Variants in TET2 observed in about 807,000 individuals in gnomAD.
TET2 encodes the protein tet methylcytosine dioxygenase 2, also known as methylcytosine dioxygenase TET2.
A neutral mutation model predicts 142.9 loss-of-function variants in TET2; 299 were observed. The ratio of observed to expected loss-of-function variants is 2.09; its 90% CI spans 1.90 to 2.30. TET2 has a LOEUF of 2.30. Ranked by LOEUF, TET2 falls within the 30% of genes most tolerant of loss-of-function variation. The pLI is 0.00. For missense variants in TET2, 2,418 were observed against 2,378.0 expected, an observed-to-expected ratio of 1.02 and a Z score of -0.35; for synonymous variants, 819 against 849.0, an observed-to-expected ratio of 0.96 and a Z score of 0.61.
chr4:105,202,943 G>A (rs1265263601), intron 2 of TET2, among the ~76,000 whole-genome samples: 1 of 152,186 alleles, frequency 6.6e-6, no homozygotes, highest in African/African-American at 2.4e-5. Context: ...CAGAGTATGA[G>A]TAATAAGGTA....
At chr4:105,237,770 G>T in intron 3 of TET2, 1 of 1,144,102 alleles carries the variant, frequency 8.7e-7, no homozygotes, top group Admixed American at 4.5e-5. Context: ...TTTAATTCAA[G>T]GTAAAATATA....
At position 105,236,047 on chromosome 4, in the gene TET2, A is replaced by T. The variant is rs751422792; in HGVS notation, c.2105A>T (p.His702Leu). 18 of 1,614,166 alleles carry T rather than the reference A, an allele frequency of 1.1e-5. No homozygotes were observed. In the South Asian group the frequency reaches 2.0e-4, roughly 18 times the overall value. ...CTTATGTCCCCAGTGTTGAAACAGCACTTGAATCAACAGGCTTCAGAGACT... is the reference window on the plus strand; with the variant it reads ...CTTATGTCCCCAGTGTTGAAACAGCTCTTGAATCAACAGGCTTCAGAGACT... ...EKLMSPVLKQ[H>L]LNQQASETEP... The change falls in exon 3 of 11, where the codon CAC becomes CTC. Residue 702 changes from histidine (H) to leucine (L), a missense_variant. Physicochemically the swap from His to Leu is moderately conservative, Grantham distance 99 (BLOSUM62 -3). Coordinates refer to ENST00000380013, the MANE Select transcript of TET2 (RefSeq NM_001127208.3).
intron 2 of TET2, chr4:105,190,839 A>G (rs1218118966): frequency 1.9e-5 from 4 of 205,372 alleles, no homozygotes; most frequent in Non-Finnish European, 2.9e-5. Flanking sequence ...TTGTTAGAGT[A>G]TTTATCGCCT....
At chr4:105,213,841 C>G (rs1727314596) in intron 2 of TET2, among the ~76,000 whole-genome samples, 1 of 152,148 alleles carries the variant, frequency 6.6e-6, no homozygotes, top group Admixed American at 6.5e-5. Context: ...ACTCTGCTCA[C>G]AGGCTCAATA....
At chr4:105,220,788 T>C (rs1184132226) in intron 2 of TET2, among the ~76,000 whole-genome samples, 1 of 152,142 alleles carries the variant, frequency 6.6e-6, no homozygotes, top group Non-Finnish European at 1.5e-5. Flanking sequence ...AGTACCCTGA[T>C]AGGAGAGATC....
intron 1 of TET2, among the ~76,000 whole-genome samples, chr4:105,158,765 A>G (rs1723686461): frequency 6.6e-6 from 1 of 152,226 alleles, no homozygotes; most frequent in African/African-American, 2.4e-5. Flanking sequence ...TTTAGATTAC[A>G]AGAAATGCAA....
chr4:105,237,473 A>T, intron 3 of TET2, 122 bp downstream of exon 3: 1 of 1,610,196 alleles, frequency 6.2e-7, no homozygotes, highest in Non-Finnish European at 8.5e-7. Context: ...GTAAAGGCTC[A>T]TAAAAATCTG....
chr4:105,184,627 A>G (rs1330210533), intron 1 of TET2, among the ~76,000 whole-genome samples: 3 of 152,188 alleles, frequency 2.0e-5, no homozygotes, highest in South Asian at 2.1e-4. Flanking sequence ...TAAAGCATTA[A>G]CAGGAGAATA....
chr4:105,180,132 C>T (rs539353527), intron 1 of TET2, among the ~76,000 whole-genome samples: 1 of 152,266 alleles, frequency 6.6e-6, no homozygotes, highest in South Asian at 2.1e-4. Context: ...GATGTTCCAG[C>T]CTTCACTTTG....
chr4:105,154,874 A>G (rs926613480), intron 1 of TET2, among the ~76,000 whole-genome samples: 20 of 152,020 alleles, frequency 1.3e-4, no homozygotes, highest in African/African-American at 4.6e-4. Flanking sequence ...AAAATGCACA[A>G]ATTAGCTGGG....
chr4:105,265,282 A>C lies in TET2; in HGVS notation c.4044+3434A>C, dbSNP rs546967124. On this transcript the variant is annotated intron_variant, in intron 8 of 10. Transcript: ENST00000380013. ...ATACGTGGCTAGTGTAATTGAGTTT[A>C]AATTAATGTAAAAATTAACACAAAC... 5.3e-5 allele frequency among the ~76,000 whole-genome samples: 8 copies of C among 152,342 alleles called. No homozygotes were observed. In the East Asian group the frequency reaches 1.3e-3, roughly 26 times the overall value.
At chr4:105,271,350 A>C (rs575564373) in intron 9 of TET2, among the ~76,000 whole-genome samples, 4 of 152,308 alleles carry the variant, frequency 2.6e-5, no homozygotes, top group Non-Finnish European at 5.9e-5. Context: ...AGAAGTAGTA[A>C]ATGATAACTG....
intron 1 of TET2, among the ~76,000 whole-genome samples, chr4:105,179,143 T>C (rs1724976680): frequency 6.6e-6 from 1 of 152,146 alleles, no homozygotes; most frequent in Admixed American, 6.5e-5. Context: ...ACATGGGTAT[T>C]ATGGAGATTA....
At chr4:105,253,514 T>C (rs932334170) in intron 6 of TET2, among the ~76,000 whole-genome samples, 1 of 151,870 alleles carries the variant, frequency 6.6e-6, no homozygotes, top group African/African-American at 2.4e-5. Flanking sequence ...ACTTGTTTCC[T>C]GCAACCATGT....
chr4:105,212,622 G>A (rs1349422262), intron 2 of TET2, among the ~76,000 whole-genome samples: 2 of 151,752 alleles, frequency 1.3e-5, no homozygotes, highest in African/African-American at 2.4e-5. Context: ...TGTCCTTTCT[G>A]GTTTAAATGA....
At chr4:105,214,323 T>C (rs953537237) in intron 2 of TET2, among the ~76,000 whole-genome samples, 1 of 147,196 alleles carries the variant, frequency 6.8e-6, no homozygotes, top group African/African-American at 2.5e-5. Flanking sequence ...TTTTTTTTTT[T>C]TGAGACAAGA....
Position 105,275,940 on chromosome 4 carries a change from T to C in TET2, c.5430T>C (p.Ala1810=), listed in dbSNP as rs1286798031. 1 of 1,551,962 alleles carries C rather than the reference T, an allele frequency of 6.4e-7. No homozygotes were observed. Among genetic ancestry groups the C allele is most frequent in the East Asian group, 2.4e-5 (1 of 40,920 alleles). The change falls in exon 11 of 11, where the codon GCT becomes GCC. Residue 1810 remains alanine, a synonymous_variant. Transcript: ENST00000380013. ...CAGCTCTTAACCATGATAGAACTGC[T>C]TGTGTCCAAGGAGGCTTACACAAAT... ...MLPALNHDRT[A]CVQGGLHKLS...
At chr4:105,254,538 A>G (rs1037281682) in intron 6 of TET2, among the ~76,000 whole-genome samples, 2 of 152,196 alleles carry the variant, frequency 1.3e-5, no homozygotes, top group African/African-American at 2.4e-5. Context: ...CAGCCTCCCA[A>G]GTAGCTCGGA....
intron 1 of TET2, among the ~76,000 whole-genome samples, chr4:105,180,279 C>T (rs575026197): frequency 1.6e-3 from 245 of 152,296 alleles, no homozygotes; most frequent in African/African-American, 5.8e-3. Flanking sequence ...TGCCAAACTC[C>T]ACTTTGCTCA....
Sources: allele counts gnomAD v4.1 joint callset (sites outside exome capture counted in the v4.1 genomes callset), GRCh38; gene constraint gnomAD v4.1.1; transcripts MANE v1.5; gene names NCBI Gene and HGNC (gene_info 2026-07-23, HGNC 2026-07-21).